The following PCDHGA2 variants were observed in gnomAD, a reference collection of about 807,000 sequenced individuals.
PCDHGA2 encodes the protein protocadherin gamma-A2.
PCDHGA2 carries 40 observed loss-of-function variants against 59.2 expected under a neutral mutation model. The observed-to-expected ratio is 0.68, with a 90% CI of 0.52 to 0.88. PCDHGA2 has a LOEUF of 0.88. Among genes scored for constraint, PCDHGA2 ranks in the 40% least tolerant of loss-of-function variants. The pLI is 0.00. For missense variants in PCDHGA2, 1,226 were observed against 1,204.0 expected (o/e 1.02, Z -0.27); for synonymous variants, 560 against 526.0 (o/e 1.06, Z -0.89).
chr5:141,487,067 G>C lies in PCDHGA2; in HGVS notation c.2425-7740G>C, dbSNP rs765539804. 3 of 1,614,048 alleles carry C rather than the reference G, an allele frequency of 1.9e-6. No individual in the cohort carries two copies. The highest frequency in any genetic ancestry group is 3.3e-5 in the Admixed American group (2 of 60,010). ...ATATGCTGGGGAGGTGCGGACGGCT[G>C]TTCCTATCCCAGCTGACCTCCCACC... On this transcript the variant is annotated intron_variant, in intron 1 of 3. Coordinates refer to ENST00000394576, the MANE Select transcript of PCDHGA2 (RefSeq NM_018915.4). The surrounding 1 kb of genome is among the most constrained non-coding windows in gnomAD (Gnocchi z 5.0).
intron 1 of PCDHGA2, among the ~76,000 whole-genome samples, chr5:141,438,593 T>C (rs982159150): frequency 4.1e-5 from 3 of 73,984 alleles, no homozygotes; most frequent in Non-Finnish European, 5.5e-5. Flanking sequence ...CATACATACA[T>C]ATATATATAT....
At chr5:141,381,987 G>A (rs896707419) in intron 1 of PCDHGA2, among the ~76,000 whole-genome samples, 9 of 151,320 alleles carry the variant, frequency 5.9e-5, no homozygotes, top group Non-Finnish European at 1.2e-4. Context: ...GCGCCACCAC[G>A]CCCGGATAAT....
At position 141,487,943 on chromosome 5, in the gene PCDHGA2, A is replaced by C. The variant is rs2099669443; in HGVS notation, c.2425-6864A>C. ...TACAGTGCACAGGGTACAGTGCACCAGGCAGTCACTTGGACAAAGGTGGCT... is the reference window on the plus strand; with the variant it reads ...TACAGTGCACAGGGTACAGTGCACCCGGCAGTCACTTGGACAAAGGTGGCT... On this transcript the variant is annotated intron_variant, in intron 1 of 3. Coordinates refer to ENST00000394576, the MANE Select transcript of PCDHGA2 (RefSeq NM_018915.4). The surrounding 1 kb of genome is among the most constrained non-coding windows in gnomAD (Gnocchi z 5.0). Among the ~76,000 whole-genome samples, 1 of 152,220 alleles carries C rather than the reference A, an allele frequency of 6.6e-6. No homozygotes were observed.
At chr5:141,420,474 C>T in intron 1 of PCDHGA2, 1 of 677,328 alleles carries the variant, frequency 1.5e-6, no homozygotes, top group Non-Finnish European at 2.1e-6. Context: ...CATTTTAAAG[C>T]AAACTACATG....
At chr5:141,453,959 C>A (rs919037104) in intron 1 of PCDHGA2, among the ~76,000 whole-genome samples, 1 of 152,182 alleles carries the variant, frequency 6.6e-6, no homozygotes, top group African/African-American at 2.4e-5. Flanking sequence ...GCACAGACAG[C>A]AAAGCATGTA....
intron 1 of PCDHGA2, among the ~76,000 whole-genome samples, chr5:141,387,296 C>T (rs2090893790): frequency 6.6e-6 from 1 of 152,134 alleles, no homozygotes; most frequent in Non-Finnish European, 1.5e-5. Flanking sequence ...TAAAATGTAT[C>T]CAGTATATTT....
Position 141,414,170 on chromosome 5 carries a change from T to C in PCDHGA2, c.2424+72775T>C, listed in dbSNP as rs1411353386. The C allele has an allele frequency of 6.2e-7, 1 of 1,606,208 alleles. No homozygotes were observed. The highest frequency in any genetic ancestry group is 1.7e-5 in the Admixed American group (1 of 58,580). The stretch of plus-strand genomic sequence containing the variant: ...CAAGCAGAAGATGGAGGAGCATATC[T>C]TGCAACTGCAAAAGTGTTGATTACA... On this transcript the variant is annotated intron_variant, in intron 1 of 3. Coordinates refer to ENST00000394576, the MANE Select transcript of PCDHGA2 (RefSeq NM_018915.4).
chr5:141,447,135 GT>G (rs905717632), intron 1 of PCDHGA2, among the ~76,000 whole-genome samples: 1 of 151,698 alleles, frequency 6.6e-6, no homozygotes, highest in South Asian at 2.1e-4. Flanking sequence ...TTGTTTGTTT[GT>G]TTTTTGTTTT....
chr5:141,415,602 A>G (rs1208876851), intron 1 of PCDHGA2: 2 of 1,613,602 alleles, frequency 1.2e-6, no homozygotes, highest in African/African-American at 2.7e-5. Flanking sequence ...AGGATACCCC[A>G]TTGGTTCCAG....
At chr5:141,454,267 A>G (rs1270638226) in intron 1 of PCDHGA2, among the ~76,000 whole-genome samples, 1 of 152,254 alleles carries the variant, frequency 6.6e-6, no homozygotes, top group Non-Finnish European at 1.5e-5. Context: ...AAGTAATGCC[A>G]GCAAAAACTT....
chr5:141,462,372 C>A (rs2099038225), intron 1 of PCDHGA2, among the ~76,000 whole-genome samples: 1 of 152,096 alleles, frequency 6.6e-6, no homozygotes, highest in African/African-American at 2.4e-5. Flanking sequence ...AGTTTCTATT[C>A]TTTTAAATTC....
chr5:141,375,505 G>A lies in PCDHGA2; in HGVS notation c.2424+34110G>A, dbSNP rs551956324. On this transcript the variant is annotated intron_variant, in intron 1 of 3. Coordinates refer to ENST00000394576, the MANE Select transcript of PCDHGA2 (RefSeq NM_018915.4). The stretch of plus-strand genomic sequence containing the variant: ...CCAGGGGTGCCTCCATCTTCTCTGT[G>A]AATGCACTGGACCCTGACGTGGACC... The A allele has an allele frequency of 1.5e-5, 25 of 1,613,998 alleles. 1 individual carries two copies. The South Asian group carries it at 2.7e-4, about 18-fold the overall frequency.
rs1468315559 is a variant in PCDHGA2 at position 141,493,636 on chromosome 5, G to A, written c.2425-1171G>A. 1.3e-5 allele frequency among the ~76,000 whole-genome samples: 2 copies of A among 152,130 alleles called. No individual in the cohort carries two copies. Among genetic ancestry groups the A allele is most frequent in the Non-Finnish European group, 2.9e-5 (2 of 68,040 alleles). The stretch of plus-strand genomic sequence containing the variant: ...TGTGTCTAAGAATACAGTGGCTGAG[G>A]GCTGGCCATCCCTGTGCCCTTCTCC... On this transcript the variant is annotated intron_variant, in intron 1 of 3. Transcript: ENST00000394576. The surrounding 1 kb of genome is among the most constrained non-coding windows in gnomAD (Gnocchi z 4.3).
chr5:141,409,155 A>T, intron 1 of PCDHGA2: 1 of 1,614,036 alleles, frequency 6.2e-7, no homozygotes, highest in Non-Finnish European at 8.5e-7. Context: ...TACACCATGG[A>T]AGTGGAAGCG....
intron 1 of PCDHGA2, chr5:141,388,657 G>T (rs769160604): frequency 6.8e-6 from 11 of 1,613,878 alleles, no homozygotes; most frequent in Admixed American, 1.7e-5. Context: ...GTGTACCCGG[G>T]GACCACGGTG....
At position 141,375,466 on chromosome 5, in the gene PCDHGA2, C is replaced by G. The variant is rs569300391; in HGVS notation, c.2424+34071C>G. On this transcript the variant is annotated intron_variant, in intron 1 of 3. Coordinates refer to ENST00000394576, the MANE Select transcript of PCDHGA2 (RefSeq NM_018915.4). ...CCCATTCATCCTACTCAGTCTATGT[C>G]CTTGAAAACAACCCCAGGGGTGCCT... The G allele has an allele frequency of 2.5e-6, 4 of 1,614,016 alleles. No individual in the cohort carries two copies. In the African/African-American group the frequency reaches 4.0e-5, roughly 16 times the overall value.
At chr5:141,361,581 C>A (rs1306719531) in intron 1 of PCDHGA2, 2 of 1,614,056 alleles carry the variant, frequency 1.2e-6, no homozygotes, top group Admixed American at 1.7e-5. Context: ...CTGACTTGGG[C>A]CCCAGTGGCC....
At chr5:141,384,012 A>G in intron 1 of PCDHGA2, 1 of 1,613,830 alleles carries the variant, frequency 6.2e-7, no homozygotes, top group Non-Finnish European at 8.5e-7. Flanking sequence ...TTTTCTACCT[A>G]CAAGACAGAG....
chr5:141,413,921 C>G, intron 1 of PCDHGA2: 2 of 1,613,360 alleles, frequency 1.2e-6, no homozygotes, highest in Middle Eastern at 1.6e-4. Flanking sequence ...TTCACCTTGC[C>G]AGAATACCGA....
Sources: gnomAD v4.1 joint callset for allele counts (sites outside exome capture counted in the v4.1 genomes callset) on GRCh38, gnomAD v4.1.1 for gene constraint, Gnocchi (gnomAD v3.1) non-coding constraint, MANE v1.5 for transcripts, NCBI Gene and HGNC (gene_info 2026-07-23, HGNC 2026-07-21) for gene names.